PRAMEF20: variants seen among roughly 807,000 people sequenced by gnomAD.
PRAMEF20 encodes the protein PRAME family member 20/21.
In PRAMEF20, 27 loss-of-function variants were observed where a neutral mutation model predicts 32.4. The observed-to-expected ratio is 0.83, with a 90% confidence interval of 0.61 to 1.15. The LOEUF (loss-of-function observed/expected upper bound fraction) is 1.15. PRAMEF20 is among the 50% of genes most tolerant of loss of function. PRAMEF20 has a pLI of 0.00. For missense variants in PRAMEF20, 604 were observed against 584.5 expected, an observed-to-expected ratio of 1.03 and a Z score of -0.34; for synonymous variants, 256 against 235.4, an observed-to-expected ratio of 1.09 and a Z score of -0.80.
chr1:13,412,312 C>T (rs1411105020), upstream of PRAMEF20, among the ~76,000 whole-genome samples: 1 of 152,092 alleles, frequency 6.6e-6, no homozygotes, highest in Non-Finnish European at 1.5e-5. Context: ...GCCACCACAC[C>T]TGGCCTCACA....
chr1:13,414,208 A>ATTTTTTT (rs149194621), upstream of PRAMEF20, among the ~76,000 whole-genome samples: 14 of 123,278 alleles, frequency 1.1e-4, no homozygotes, highest in East Asian at 2.6e-4. Context: ...CACCTGACTA[A>ATTTTTTT]TTTTTTTTTT....
At chr1:13,418,761 G>T in intron 2 of PRAMEF20, 61 bp downstream of exon 3, 2 of 1,608,718 alleles carry the variant, frequency 1.2e-6, no homozygotes, top group Non-Finnish European at 8.5e-7. Context: ...GTTACAGGGG[G>T]CATCTACTGT....
chr1:13,420,880 C>T, exon 3 of PRAMEF20: 2 of 1,613,898 alleles, frequency 1.2e-6, no homozygotes, highest in Non-Finnish European at 1.7e-6. Flanking sequence ...TTGCAGCCAC[C>T]CTTGAGTACC....
upstream of PRAMEF20, among the ~76,000 whole-genome samples, chr1:13,413,848 T>C (rs986844304): frequency 1.3e-5 from 2 of 152,150 alleles, no homozygotes; most frequent in Admixed American, 6.6e-5. Flanking sequence ...CCATCTGATC[T>C]GCAGTCAGCC....
At chr1:13,418,831 G>A in intron 2 of PRAMEF20, 131 bp downstream of exon 3, 1 of 1,515,100 alleles carries the variant, frequency 6.6e-7, no homozygotes, top group Non-Finnish European at 8.9e-7. Context: ...GCATTTTCCT[G>A]TTGGAAGTGG....
At chr1:13,411,199 T>G in the PRAMEF20 span, among the ~76,000 whole-genome samples, 2 of 152,104 alleles carry the variant, frequency 1.3e-5, no homozygotes, top group East Asian at 3.9e-4. Flanking sequence ...CATGGTGGCA[T>G]GCATCTGTAG....
At chr1:13,419,516 G>C (rs1265606607) in intron 2 of PRAMEF20, among the ~76,000 whole-genome samples, 3 of 151,758 alleles carry the variant, frequency 2.0e-5, no homozygotes, top group Admixed American at 1.3e-4. Context: ...TATTGCCCAG[G>C]GTTCACGCCA....
At chr1:13,411,944 G>C (rs1256011920), upstream of PRAMEF20, among the ~76,000 whole-genome samples, 1 of 152,058 alleles carries the variant, frequency 6.6e-6, no homozygotes, top group Non-Finnish European at 1.5e-5. Flanking sequence ...TAACACTAGA[G>C]ACTTTTTCTC....
chr1:13,416,786 G>A, intron 1 of PRAMEF20, 145 bp downstream of exon 2: 3 of 1,539,426 alleles, frequency 1.9e-6, no homozygotes, highest in Non-Finnish European at 1.7e-6. Context: ...CTTGGCCATT[G>A]CCCAGCTCCT....
exon 2 of PRAMEF20, chr1:13,418,591 A>G: frequency 1.2e-6 from 2 of 1,613,954 alleles, no homozygotes; most frequent in Non-Finnish European, 1.7e-6. Flanking sequence ...AGAGCAGAAG[A>G]AGGAGTTTGT....
At chr1:13,420,944 G>C in exon 3 of PRAMEF20, 1 of 1,613,662 alleles carries the variant, frequency 6.2e-7, no homozygotes, top group Non-Finnish European at 8.5e-7. Flanking sequence ...CATCCTGCCT[G>C]CCCTGAGCCG....
At chr1:13,410,698 A>G in the PRAMEF20 span, among the ~76,000 whole-genome samples, 1 of 150,704 alleles carries the variant, frequency 6.6e-6, no homozygotes, top group African/African-American at 2.4e-5. Flanking sequence ...ATTTCAAAAA[A>G]TTTGATTTGT....
At chr1:13,413,267 T>TA (rs955878910), upstream of PRAMEF20, among the ~76,000 whole-genome samples, 8 of 152,224 alleles carry the variant, frequency 5.3e-5, no homozygotes, top group African/African-American at 1.7e-4. Context: ...GATGAATATC[T>TA]AATTCAATCA....
upstream of PRAMEF20, among the ~76,000 whole-genome samples, chr1:13,413,864 C>G (rs940142229): frequency 1.3e-5 from 2 of 152,152 alleles, no homozygotes; most frequent in Admixed American, 6.6e-5. Context: ...CAGCCAGTCT[C>G]ATAGTTTCAG....
chr1:13,417,951 T>TGTGC (rs1557476949), intron 1 of PRAMEF20, among the ~76,000 whole-genome samples, 171 bp from the exon 3 acceptor site: 1 of 147,532 alleles, frequency 6.8e-6, no homozygotes, highest in African/African-American at 2.5e-5. Context: ...TGTGTGTGTG[T>TGTGC]GTTTAGTAGA....
chr1:13,415,887 TGAAAA>T (rs1641164318), upstream of PRAMEF20, among the ~76,000 whole-genome samples: 1 of 151,908 alleles, frequency 6.6e-6, no homozygotes, highest in Non-Finnish European at 1.5e-5. Flanking sequence ...GCTTAAATAA[TGAAAA>T]GAAAACAAAA....
chr1:13,416,526 GC>G lies in PRAMEF20; in HGVS notation c.174del (p.Trp59GlyfsTer11). ...TGAGGCCCTGAAGCTGATGGTGCAG[GC>G]CTGGCCTTTCCTCCGCCTTCCTCTG... On this transcript the variant is annotated frameshift_variant, in exon 1 of 3. Transcript: ENST00000602960. LOFTEE classifies it high-confidence loss of function. 1 of 1,614,176 alleles carries G rather than the reference GC, an allele frequency of 6.2e-7. No homozygotes were observed. The highest frequency in any genetic ancestry group is 8.5e-7 in the Non-Finnish European group (1 of 1,180,022).
At chr1:13,418,236 A>C in exon 2 of PRAMEF20, 2 of 1,611,122 alleles carry the variant, frequency 1.2e-6, no homozygotes, top group Non-Finnish European at 1.7e-6. Context: ...ACAGAAAACC[A>C]CTGCAGGACT....
At chr1:13,414,095 G>A (rs1373042970), upstream of PRAMEF20, among the ~76,000 whole-genome samples, 1 of 152,076 alleles carries the variant, frequency 6.6e-6, no homozygotes, top group South Asian at 2.1e-4. Flanking sequence ...AGGCTGGAGT[G>A]CAGTGGCATG....
Sources: gnomAD v4.1 joint callset for allele counts (sites outside exome capture counted in the v4.1 genomes callset) on GRCh38, gnomAD v4.1.1 for gene constraint, MANE v1.5 for transcripts, NCBI Gene and HGNC (gene_info 2026-07-23, HGNC 2026-07-21) for gene names.